The following MYO1E variants were observed in gnomAD, a reference collection of about 807,000 sequenced individuals.
The protein encoded by MYO1E is unconventional myosin-Ie.
MYO1E carries 68 observed loss-of-function variants against 151.1 expected under a neutral mutation model. The ratio of observed to expected loss-of-function variants is 0.45; its 90% CI spans 0.37 to 0.55. The LOEUF (loss-of-function observed/expected upper bound fraction) is 0.55. MYO1E is among the 20% of genes least tolerant of loss of function. The probability of loss-of-function intolerance (pLI) is 0.00; values close to 1 mark genes in which losing one functional copy is unlikely to be tolerated. For missense variants in MYO1E, 1,363 were observed against 1,389.3 expected (o/e 0.98, Z 0.30); for synonymous variants, 601 against 501.7 (o/e 1.20, Z -2.64).
At chr15:59,220,860 C>T (rs1351061746) in intron 9 of MYO1E, among the ~76,000 whole-genome samples, 2 of 93,636 alleles carry the variant, frequency 2.1e-5, no homozygotes, top group Non-Finnish European at 2.9e-5. Context: ...GAGGCCAAGG[C>T]GGGAGGATGA....
chr15:59,194,438 C>G (rs1433620718), intron 17 of MYO1E, among the ~76,000 whole-genome samples: 2 of 152,184 alleles, frequency 1.3e-5, no homozygotes, highest in African/African-American at 4.8e-5. Context: ...GGTTTAGGAT[C>G]TTACTGGCAG....
At chr15:59,315,291 C>A (rs1479801770) in intron 1 of MYO1E, among the ~76,000 whole-genome samples, 2 of 152,146 alleles carry the variant, frequency 1.3e-5, no homozygotes, top group African/African-American at 2.4e-5. Context: ...GTTTCTCTCC[C>A]ACTCACTTCT....
At chr15:59,352,910 C>T (rs1303467792) in intron 1 of MYO1E, among the ~76,000 whole-genome samples, 8 of 152,170 alleles carry the variant, frequency 5.3e-5, no homozygotes, top group African/African-American at 1.9e-4. Flanking sequence ...CAAGCACTTC[C>T]GAAAACAGCA....
chr15:59,168,295 C>G (rs1237356874), intron 22 of MYO1E, among the ~76,000 whole-genome samples: 1 of 151,990 alleles, frequency 6.6e-6, no homozygotes. Context: ...GCCTGTAATC[C>G]TAGCACTTTG....
At chr15:59,244,921 G>C (rs964791597) in intron 4 of MYO1E, among the ~76,000 whole-genome samples, 1 of 152,310 alleles carries the variant, frequency 6.6e-6, no homozygotes, top group Middle Eastern at 3.4e-3. Flanking sequence ...TGATGATAAA[G>C]GAATTTTAGC....
intron 1 of MYO1E, among the ~76,000 whole-genome samples, chr15:59,284,006 A>G (rs1297823310): frequency 6.6e-6 from 1 of 152,242 alleles, no homozygotes; most frequent in Admixed American, 6.5e-5. Flanking sequence ...CCTGGTACAA[A>G]GCCCTGCAAG....
chr15:59,173,554 G>C (rs1396713207), intron 21 of MYO1E, among the ~76,000 whole-genome samples, 192 bp downstream of exon 21: 1 of 152,148 alleles, frequency 6.6e-6, no homozygotes, highest in Admixed American at 6.6e-5. Flanking sequence ...GAAAGATATG[G>C]ATATACACAG....
chr15:59,367,965 C>G (rs2080923920), intron 1 of MYO1E, among the ~76,000 whole-genome samples: 1 of 151,504 alleles, frequency 6.6e-6, no homozygotes, highest in African/African-American at 2.4e-5. Context: ...ACTAAAAATA[C>G]AAAAATTAGG....
intron 1 of MYO1E, among the ~76,000 whole-genome samples, chr15:59,288,206 C>A (rs1359289590): frequency 6.6e-6 from 1 of 152,132 alleles, no homozygotes; most frequent in African/African-American, 2.4e-5. Flanking sequence ...GACAGGGTCT[C>A]ACTCTGTCAC....
At chr15:59,176,230 T>C (rs2079624029) in intron 19 of MYO1E, among the ~76,000 whole-genome samples, 1 of 151,804 alleles carries the variant, frequency 6.6e-6, no homozygotes, top group South Asian at 2.1e-4. Context: ...GGCTAATTTT[T>C]TTTGTATTTT....
At chr15:59,257,916 TTTTAA>T (rs563615904) in intron 3 of MYO1E, among the ~76,000 whole-genome samples, 32 of 152,318 alleles carry the variant, frequency 2.1e-4, no homozygotes, top group African/African-American at 6.3e-4. Flanking sequence ...ATAATTATTA[TTTTAA>T]TTTAACAGAG....
chr15:59,271,194 C>A (rs1191509081), intron 2 of MYO1E: 3 of 152,104 alleles, frequency 2.0e-5, no homozygotes, highest in African/African-American at 7.2e-5. Context: ...GATAGGCAGC[C>A]GCTGCAAAAG....
intron 26 of MYO1E, among the ~76,000 whole-genome samples, chr15:59,149,052 G>GTTTTTTTTTTTTTTTTTTTTTTT (rs570700878): frequency 7.8e-6 from 1 of 128,234 alleles, no homozygotes; most frequent in Admixed American, 7.8e-5. Context: ...TTTTTTTTTT[G>GTTTTTTTTTTTTTTTTTTTTTTT]TTTTTTTTTT....
chr15:59,206,917 T>G (rs1275809993), intron 14 of MYO1E: 2 of 1,596,986 alleles, frequency 1.3e-6, no homozygotes, highest in Non-Finnish European at 1.7e-6. Flanking sequence ...CCATTCTCTC[T>G]CTCCACTTCT....
intron 1 of MYO1E, among the ~76,000 whole-genome samples, chr15:59,293,183 G>A (rs1424578471): frequency 4.6e-5 from 7 of 152,148 alleles, no homozygotes; most frequent in Admixed American, 2.6e-4. Flanking sequence ...TCTACCAGAT[G>A]GAAGGCACAC....
chr15:59,256,993 A>C (rs1014271560), intron 3 of MYO1E, among the ~76,000 whole-genome samples: 10 of 152,190 alleles, frequency 6.6e-5, no homozygotes, highest in African/African-American at 2.2e-4. Flanking sequence ...TATTGGAAAA[A>C]AAAATCCTAC....
chr15:59,364,368 A>G lies in MYO1E; in HGVS notation c.3+8130T>C, dbSNP rs1388714597. Among the ~76,000 whole-genome samples, 15 of 152,188 alleles carry G rather than the reference A, an allele frequency of 9.9e-5. No individual in the cohort carries two copies. In the South Asian group the frequency reaches 3.1e-3, roughly 32 times the overall value. ...GGGCTTCTTATCTCAGGAGCCAAAG[A>G]TTAAGCAGCCCATTACTGACCACAG... On this transcript the variant is annotated intron_variant, in intron 1 of 27. Coordinates refer to ENST00000288235, the MANE Select transcript of MYO1E (RefSeq NM_004998.4).
chr15:59,149,151 G>A (rs1418803920), intron 26 of MYO1E, among the ~76,000 whole-genome samples: 1 of 150,466 alleles, frequency 6.6e-6, no homozygotes. Context: ...CTGCCTCCTG[G>A]GTTCACGCCA....
At chr15:59,297,034 T>A (rs76040970) in intron 1 of MYO1E, among the ~76,000 whole-genome samples, 17,386 of 43,536 alleles carry the variant, frequency 0.4, 5,087 homozygotes, top group South Asian at 0.68. Flanking sequence ...TGTGTTTTTT[T>A]GTAGAGACAG....
Sources: allele counts gnomAD v4.1 joint callset (sites outside exome capture counted in the v4.1 genomes callset), GRCh38; gene constraint gnomAD v4.1.1; transcripts MANE v1.5; gene names NCBI Gene and HGNC (gene_info 2026-07-23, HGNC 2026-07-21).